DAP: variants seen among roughly 807,000 people sequenced by gnomAD.
DAP encodes death-associated protein 1.
DAP carries 8 observed loss-of-function variants against 13.8 expected under a neutral mutation model. That is an observed-to-expected ratio of 0.58 (90% CI 0.34 to 1.05). DAP has a LOEUF of 1.05. Ranked by LOEUF, DAP falls within the 50% of genes least tolerant of loss-of-function variation. The pLI is 0.03. For synonymous variants in DAP, 47 were observed against 47.5 expected (o/e 0.99, Z 0.04); for missense variants, 106 against 133.2 (o/e 0.80, Z 1.01).
chr5:10,720,946 A>G (rs1739120710), intron 2 of DAP, among the ~76,000 whole-genome samples: 1 of 152,256 alleles, frequency 6.6e-6, no homozygotes, highest in Non-Finnish European at 1.5e-5. Flanking sequence ...TATTCCAAAC[A>G]GTATTGCCTC....
chr5:10,757,940 G>C (rs1329517900), intron 1 of DAP, among the ~76,000 whole-genome samples: 1 of 152,184 alleles, frequency 6.6e-6, no homozygotes, highest in Non-Finnish European at 1.5e-5. Context: ...GAGAGGCGAA[G>C]GTTAGTGCAC....
In DAP at chr5:10,680,906, A is replaced by G; in HGVS notation, c.*150T>C. 1 of 1,537,602 alleles carries G rather than the reference A, an allele frequency of 6.5e-7. No individual in the cohort carries two copies. Among genetic ancestry groups the G allele is most frequent in the Non-Finnish European group, 8.7e-7 (1 of 1,146,990 alleles). On this transcript the variant is annotated 3_prime_UTR_variant, in exon 4 of 4. Transcript: ENST00000230895. ...GCTGGAGCTGTTTCTAGTTTTAAAT[A>G]TGGAAATGTAAGGCAAAGGACAGAG...
intron 2 of DAP, among the ~76,000 whole-genome samples, chr5:10,710,648 GGA>G (rs1738825688): frequency 6.6e-6 from 1 of 152,218 alleles, no homozygotes; most frequent in Non-Finnish European, 1.5e-5. Context: ...ACAGAGCCTG[GGA>G]GGGTGGCTGG....
chr5:10,743,816 CTCTT>C (rs1739830471), intron 2 of DAP, among the ~76,000 whole-genome samples: 2 of 152,198 alleles, frequency 1.3e-5, no homozygotes, highest in Admixed American at 1.3e-4. Flanking sequence ...AAGACTATTA[CTCTT>C]CCTGGACATG....
intron 2 of DAP, among the ~76,000 whole-genome samples, chr5:10,701,608 C>CGG (rs1427379169): frequency 9.5e-5 from 1 of 10,564 alleles, no homozygotes; most frequent in African/African-American, 3.8e-4. Flanking sequence ...GGACGGGGGG[C>CGG]GGGGGGGCAG....
intron 2 of DAP, among the ~76,000 whole-genome samples, chr5:10,743,213 C>A (rs542885407): frequency 6.6e-6 from 1 of 152,350 alleles, no homozygotes; most frequent in East Asian, 1.9e-4. Context: ...ATAGTATCCA[C>A]TTAAAAATGT....
chr5:10,685,259 A>AC, intron 2 of DAP, among the ~76,000 whole-genome samples: 1 of 152,226 alleles, frequency 6.6e-6, no homozygotes, highest in Admixed American at 6.5e-5. Flanking sequence ...TTGTGTGGTT[A>AC]CCCAGGTTGG....
chr5:10,759,836 C>T (rs1348713264), intron 1 of DAP, among the ~76,000 whole-genome samples: 1 of 136,058 alleles, frequency 7.3e-6, no homozygotes, highest in African/African-American at 2.7e-5. Context: ...CTCACTACAA[C>T]TTCTGCCTCC....
chr5:10,708,488 A>G (rs1738759792), intron 2 of DAP, among the ~76,000 whole-genome samples: 1 of 151,768 alleles, frequency 6.6e-6, no homozygotes, highest in Non-Finnish European at 1.5e-5. Context: ...TAAACAAACA[A>G]TTCTGCCCCT....
At chr5:10,692,618 C>G (rs1372640113) in intron 2 of DAP, among the ~76,000 whole-genome samples, 1 of 152,180 alleles carries the variant, frequency 6.6e-6, no homozygotes, top group Non-Finnish European at 1.5e-5. Flanking sequence ...AATTCCTTCA[C>G]TCTCTCAGCT....
At chr5:10,733,096 TC>T (rs1479121716) in intron 2 of DAP, among the ~76,000 whole-genome samples, 1 of 151,812 alleles carries the variant, frequency 6.6e-6, no homozygotes, top group East Asian at 1.9e-4. Flanking sequence ...ACCTCCAGGT[TC>T]CCCCATGACG....
intron 1 of DAP, among the ~76,000 whole-genome samples, chr5:10,759,690 G>T (rs188314434): frequency 2.6e-5 from 4 of 151,598 alleles, no homozygotes; most frequent in Admixed American, 2.6e-4. Flanking sequence ...CATTGTGCTG[G>T]TGCAGAGAAT....
At chr5:10,705,071 G>C (rs912218954) in intron 2 of DAP, among the ~76,000 whole-genome samples, 1 of 152,158 alleles carries the variant, frequency 6.6e-6, no homozygotes, top group South Asian at 2.1e-4. Context: ...ACTACTTCCT[G>C]TATCCTCCTC....
chr5:10,691,017 A>T (rs1738295129), intron 2 of DAP, among the ~76,000 whole-genome samples: 1 of 152,232 alleles, frequency 6.6e-6, no homozygotes, highest in Non-Finnish European at 1.5e-5. Context: ...GAAGTATCGT[A>T]CTGTGGTTTA....
At chr5:10,744,664 A>G (rs1739856725) in intron 2 of DAP, among the ~76,000 whole-genome samples, 1 of 152,242 alleles carries the variant, frequency 6.6e-6, no homozygotes, top group African/African-American at 2.4e-5. Flanking sequence ...GGCCAGGCCA[A>G]TGACCGACTA....
chr5:10,742,816 G>C (rs767530894), intron 2 of DAP, among the ~76,000 whole-genome samples: 1 of 152,140 alleles, frequency 6.6e-6, no homozygotes, highest in African/African-American at 2.4e-5. Context: ...CTGCATGGGC[G>C]TCAGTTCTTT....
intron 2 of DAP, among the ~76,000 whole-genome samples, chr5:10,745,623 T>A (rs1456431720): frequency 6.6e-6 from 1 of 152,160 alleles, no homozygotes; most frequent in East Asian, 1.9e-4. Context: ...ATGAAAAAAA[T>A]CAACAGAAAG....
intron 2 of DAP, among the ~76,000 whole-genome samples, chr5:10,739,223 A>AAAG (rs1554002385): frequency 4.3e-5 from 6 of 139,864 alleles, no homozygotes; most frequent in Admixed American, 7.2e-5. Flanking sequence ...AAAAAAAAAA[A>AAAG]AAAGAAAGAA....
At chr5:10,691,680 C>A (rs1030647738) in intron 2 of DAP, among the ~76,000 whole-genome samples, 2 of 152,138 alleles carry the variant, frequency 1.3e-5, no homozygotes, top group Non-Finnish European at 2.9e-5. Context: ...AACTATCAAC[C>A]CTGCCCGCCC....
Sources: allele counts gnomAD v4.1 joint callset (sites outside exome capture counted in the v4.1 genomes callset), GRCh38; gene constraint gnomAD v4.1.1; transcripts MANE v1.5; gene names NCBI Gene and HGNC (gene_info 2026-07-23, HGNC 2026-07-21).